The following CDH4 variants were observed in gnomAD, a reference collection of about 807,000 sequenced individuals.
The protein encoded by CDH4 is cadherin 4.
In CDH4, 33 loss-of-function variants were observed where a neutral mutation model predicts 86.0. The ratio of observed to expected loss-of-function variants is 0.38; its 90% CI spans 0.29 to 0.51. The LOEUF is 0.51. CDH4 is among the 20% of genes least tolerant of loss of function. The pLI, the probability that CDH4 is intolerant of heterozygous loss-of-function variation, is 0.86. For synonymous variants in CDH4, 555 were observed against 549.4 expected, an observed-to-expected ratio of 1.01 and a Z score of -0.14; for missense variants, 1,114 against 1,307.4, an observed-to-expected ratio of 0.85 and a Z score of 2.28.
At chr20:61,863,423 C>T (rs756836520) in intron 6 of CDH4, among the ~76,000 whole-genome samples, 1 of 152,150 alleles carries the variant, frequency 6.6e-6, no homozygotes, top group Non-Finnish European at 1.5e-5. Flanking sequence ...TTCTCAAAGC[C>T]CACGGGGCAG....
At chr20:61,559,700 G>C (rs1196954852) in intron 2 of CDH4, among the ~76,000 whole-genome samples, 1 of 151,590 alleles carries the variant, frequency 6.6e-6, no homozygotes, top group Non-Finnish European at 1.5e-5. Context: ...TGTATTTTTA[G>C]TAGAGACAGG....
At chr20:61,310,771 C>T (rs894939571) in intron 2 of CDH4, among the ~76,000 whole-genome samples, 1 of 152,178 alleles carries the variant, frequency 6.6e-6, no homozygotes, top group Non-Finnish European at 1.5e-5. Context: ...CTGTGGCCTG[C>T]AGATCCTGTC....
At chr20:61,815,968 C>A (rs1980695471) in intron 4 of CDH4, among the ~76,000 whole-genome samples, 1 of 152,188 alleles carries the variant, frequency 6.6e-6, no homozygotes, top group Non-Finnish European at 1.5e-5. Flanking sequence ...TTTAAGGAAG[C>A]AATTTCACTT....
intron 6 of CDH4, among the ~76,000 whole-genome samples, chr20:61,868,531 C>T (rs1310191230): frequency 1.3e-5 from 2 of 152,202 alleles, no homozygotes; most frequent in African/African-American, 4.8e-5. Flanking sequence ...CTCCCAAACC[C>T]ACAACAGGCC....
chr20:61,259,243 C>T (rs1414326587), intron 2 of CDH4, among the ~76,000 whole-genome samples: 3 of 152,186 alleles, frequency 2.0e-5, no homozygotes, highest in Non-Finnish European at 2.9e-5. Flanking sequence ...GTCTGGAATC[C>T]ATATCTAAGA....
intron 2 of CDH4, among the ~76,000 whole-genome samples, chr20:61,502,091 CAG>C (rs1186606385): frequency 8.6e-6 from 1 of 115,796 alleles, no homozygotes; most frequent in Non-Finnish European, 1.8e-5. Context: ...GAGTGGGGGA[CAG>C]GGGTGGGATG....
At chr20:61,819,367 A>G (rs61065471) in intron 4 of CDH4, among the ~76,000 whole-genome samples, 6,256 of 152,324 alleles carry the variant, frequency 0.041, 196 homozygotes, top group African/African-American at 0.089. Context: ...ATGCATGAGC[A>G]CGCGTCGCTC....
intron 11 of CDH4, among the ~76,000 whole-genome samples, chr20:61,925,372 A>T (rs1352192842): frequency 6.6e-6 from 1 of 152,144 alleles, no homozygotes; most frequent in Non-Finnish European, 1.5e-5. Context: ...ACCGCTTACC[A>T]GTGGGAAAAG....
chr20:61,628,113 C>T (rs989892119), intron 2 of CDH4, among the ~76,000 whole-genome samples: 2 of 152,156 alleles, frequency 1.3e-5, no homozygotes, highest in Admixed American at 6.5e-5. Context: ...CTGGCATCGC[C>T]GCAGACATCC....
chr20:61,915,219 T>C (rs949583176), intron 9 of CDH4, among the ~76,000 whole-genome samples: 2 of 152,218 alleles, frequency 1.3e-5, no homozygotes, highest in Non-Finnish European at 2.9e-5. Context: ...CCGTCCAGGT[T>C]CCTCGCTGGC....
chr20:61,682,291 T>G (rs2087523963), intron 2 of CDH4, among the ~76,000 whole-genome samples: 1 of 146,794 alleles, frequency 6.8e-6, no homozygotes, highest in African/African-American at 2.6e-5. Flanking sequence ...GACAGGTGGA[T>G]GAATGGACAA....
chr20:61,562,987 A>AGGGGCC (rs2086232467), intron 2 of CDH4, among the ~76,000 whole-genome samples: 1 of 152,156 alleles, frequency 6.6e-6, no homozygotes, highest in Non-Finnish European at 1.5e-5. Context: ...GTCCAGGGGC[A>AGGGGCC]CCAGTGGCCC....
chr20:61,424,618 C>A (rs1450070096), intron 2 of CDH4, among the ~76,000 whole-genome samples: 3 of 152,236 alleles, frequency 2.0e-5, no homozygotes, highest in Non-Finnish European at 4.4e-5. Context: ...AGAGGCCACT[C>A]CTAGGCCAGG....
chr20:61,742,507 C>T (rs1444546629), intron 2 of CDH4, among the ~76,000 whole-genome samples: 4 of 151,580 alleles, frequency 2.6e-5, no homozygotes, highest in Non-Finnish European at 4.4e-5. Flanking sequence ...TTTGGTTTCT[C>T]GAATAAATAG....
chr20:61,546,037 G>GACACA (rs1389790727), intron 2 of CDH4, among the ~76,000 whole-genome samples: 5 of 131,082 alleles, frequency 3.8e-5, no homozygotes, highest in African/African-American at 1.2e-4. Flanking sequence ...GTGTGTTCGT[G>GACACA]TGTGTGTGGA....
At chr20:61,887,838 C>G (rs1984615877) in intron 7 of CDH4, among the ~76,000 whole-genome samples, 1 of 152,200 alleles carries the variant, frequency 6.6e-6, no homozygotes, top group Non-Finnish European at 1.5e-5. Context: ...CGGGAGGAGG[C>G]AGCCACAGCC....
intron 2 of CDH4, among the ~76,000 whole-genome samples, chr20:61,698,123 C>T (rs1473562292): frequency 6.6e-6 from 1 of 152,236 alleles, no homozygotes; most frequent in Non-Finnish European, 1.5e-5. Flanking sequence ...CAGCACAGAC[C>T]TGGCACGTGT....
intron 2 of CDH4, among the ~76,000 whole-genome samples, chr20:61,710,493 T>C (rs1396343983): frequency 2.6e-5 from 4 of 152,322 alleles, no homozygotes; most frequent in African/African-American, 9.6e-5. Flanking sequence ...CAGATGCACG[T>C]TCCCACTTCA....
intron 4 of CDH4, among the ~76,000 whole-genome samples, chr20:61,791,171 T>C (rs959755073): frequency 1.1e-4 from 17 of 152,272 alleles, no homozygotes; most frequent in Admixed American, 3.3e-4. Flanking sequence ...GAAAACTCCC[T>C]GTCGAGGATA....
Sources: gnomAD v4.1 joint callset for allele counts (sites outside exome capture counted in the v4.1 genomes callset) on GRCh38, gnomAD v4.1.1 for gene constraint, MANE v1.5 for transcripts, NCBI Gene and HGNC (gene_info 2026-07-23, HGNC 2026-07-21) for gene names.